The following LIN52 variants were observed in gnomAD, a reference collection of about 807,000 sequenced individuals.
LIN52 encodes the protein protein lin-52 homolog.
LIN52 carries 4 observed loss-of-function variants against 18.5 expected under a neutral mutation model. That is an observed-to-expected ratio of 0.22 (90% CI 0.11 to 0.49). The LOEUF (loss-of-function observed/expected upper bound fraction) is 0.49, where lower values mean the gene tolerates loss of function less well. Among genes scored for constraint, LIN52 ranks in the 20% least tolerant of loss-of-function variants. The pLI, the probability that LIN52 is intolerant of heterozygous loss-of-function variation, is 0.97. For synonymous variants in LIN52, 34 were observed against 45.5 expected, an observed-to-expected ratio of 0.75 and a Z score of 1.02; for missense variants, 102 against 139.5, an observed-to-expected ratio of 0.73 and a Z score of 1.35.
Position 74,091,299 on chromosome 14 carries a change from A to G in LIN52, c.87A>G (p.Pro29=). 1.2e-6 allele frequency: 2 copies of G among 1,606,082 alleles called. No homozygotes were observed. Among genetic ancestry groups the G allele is most frequent in the Non-Finnish European group, 8.5e-7 (1 of 1,173,634 alleles). ...ACCGTGCCTCACCAGATCTTTGGCC[A>G]GAACAATGTAAGTTTTTGCCTTCTT... is the stretch of plus-strand genomic sequence containing the variant. ...KLDRASPDLW[P]EQLPGVAEFA... Residue 29 remains proline (P), a synonymous_variant, in exon 2 of 6, where the codon CCA becomes CCG. Coordinates refer to ENST00000555028, the MANE Select transcript of LIN52 (RefSeq NM_001024674.3).
intron 5 of LIN52, among the ~76,000 whole-genome samples, chr14:74,124,456 T>C (rs1469701738): frequency 1.3e-5 from 2 of 152,152 alleles, no homozygotes; most frequent in East Asian, 1.9e-4. Flanking sequence ...TCCCCCAAAA[T>C]TTCTTGAAAC....
intron 5 of LIN52, among the ~76,000 whole-genome samples, chr14:74,182,499 A>T (rs12894468): frequency 7.2e-5 from 11 of 151,776 alleles, no homozygotes; most frequent in South Asian, 2.1e-4. Context: ...TGTCCAAATC[A>T]GCCAAGTAAT....
chr14:74,141,012 GTT>G (rs982088655), intron 5 of LIN52, among the ~76,000 whole-genome samples: 3 of 152,116 alleles, frequency 2.0e-5, no homozygotes, highest in African/African-American at 4.8e-5. Context: ...AAAAGGAACA[GTT>G]TTAACTTTTT....
At chr14:74,119,203 C>T (rs1451899924) in intron 5 of LIN52, among the ~76,000 whole-genome samples, 6 of 148,018 alleles carry the variant, frequency 4.1e-5, no homozygotes, top group African/African-American at 1.5e-4. Flanking sequence ...GCTCTGTTGC[C>T]CAGGCTGGAG....
chr14:74,182,744 G>T (rs928897900), intron 5 of LIN52, among the ~76,000 whole-genome samples: 2 of 152,150 alleles, frequency 1.3e-5, no homozygotes, highest in Admixed American at 1.3e-4. Flanking sequence ...TATCTCAAAA[G>T]CTTCTTTTGA....
At chr14:74,192,990 C>T (rs2078888664) in intron 5 of LIN52, among the ~76,000 whole-genome samples, 3 of 152,122 alleles carry the variant, frequency 2.0e-5, no homozygotes. Flanking sequence ...CATAAAGTGA[C>T]TGGCATTTGT....
intron 5 of LIN52, among the ~76,000 whole-genome samples, chr14:74,126,301 G>T (rs1407162823): frequency 2.0e-5 from 3 of 152,172 alleles, no homozygotes; most frequent in Non-Finnish European, 4.4e-5. Context: ...ATGTAAAATG[G>T]TATACTCCCT....
chr14:74,192,866 C>A (rs1470996127), intron 5 of LIN52: 1 of 162,516 alleles, frequency 6.2e-6, no homozygotes, highest in Non-Finnish European at 1.3e-5. Flanking sequence ...TCCATTCCCA[C>A]AGACCAGGAA....
At chr14:74,193,964 T>C (rs188677589) in intron 5 of LIN52, among the ~76,000 whole-genome samples, 604 of 152,366 alleles carry the variant, frequency 4.0e-3, no homozygotes, top group Admixed American at 8.3e-3. Context: ...GTAGTTTGCA[T>C]TGGAATTGAA....
rs182750166 is a variant in LIN52, at chr14:74,145,964, G to T, written c.283+44726G>T. 3.9e-5 allele frequency among the ~76,000 whole-genome samples: 6 copies of T among 152,222 alleles called. No homozygotes were observed. In the East Asian group the frequency reaches 1.2e-3, roughly 29 times the overall value. On this transcript the variant is annotated intron_variant, in intron 5 of 5. Coordinates refer to ENST00000555028, the MANE Select transcript of LIN52 (RefSeq NM_001024674.3). ...AACTTGTTTTTTCATAAAGACTGCA[G>T]ATTCTATGACGTGAAATAGTCAAGT...
chr14:74,186,940 G>A (rs2061343397), intron 5 of LIN52, among the ~76,000 whole-genome samples: 3 of 152,132 alleles, frequency 2.0e-5, no homozygotes, highest in Admixed American at 1.3e-4. Flanking sequence ...TTAGCCGGGC[G>A]TTATGGCACA....
At chr14:74,179,687 A>G (rs1322526910) in intron 5 of LIN52, among the ~76,000 whole-genome samples, 6 of 150,696 alleles carry the variant, frequency 4.0e-5, no homozygotes, top group Admixed American at 4.0e-4. Flanking sequence ...AAGAAAAAAA[A>G]ATCTAATTCT....
intron 5 of LIN52, among the ~76,000 whole-genome samples, chr14:74,188,317 C>T (rs977669183): frequency 3.3e-5 from 5 of 152,082 alleles, no homozygotes; most frequent in African/African-American, 9.7e-5. Flanking sequence ...GCAAGTCATA[C>T]ACAAAGTGTT....
At chr14:74,094,867 A>T (rs2060797095) in intron 2 of LIN52, among the ~76,000 whole-genome samples, 1 of 152,034 alleles carries the variant, frequency 6.6e-6, no homozygotes, top group African/African-American at 2.4e-5. Flanking sequence ...AGCTGGGACT[A>T]CAGGCACATG....
intron 5 of LIN52, among the ~76,000 whole-genome samples, chr14:74,114,722 A>G (rs2060953734): frequency 6.6e-6 from 1 of 152,200 alleles, no homozygotes; most frequent in Non-Finnish European, 1.5e-5. Flanking sequence ...TTAATAAGAT[A>G]TCTAGTTCAG....
At chr14:74,162,936 A>G (rs918600577) in intron 5 of LIN52, among the ~76,000 whole-genome samples, 1 of 152,200 alleles carries the variant, frequency 6.6e-6, no homozygotes, top group African/African-American at 2.4e-5. Context: ...TTACTTCTGT[A>G]TATTACAGAA....
chr14:74,178,461 T>A (rs972658870), intron 5 of LIN52, among the ~76,000 whole-genome samples: 3 of 102,632 alleles, frequency 2.9e-5, no homozygotes, highest in African/African-American at 4.2e-5. Context: ...ATTAAAATAA[T>A]TTTTTTTTTT....
intron 5 of LIN52, among the ~76,000 whole-genome samples, chr14:74,153,961 A>G (rs142641900): frequency 2.6e-3 from 393 of 152,268 alleles, no homozygotes; most frequent in African/African-American, 9.3e-3. Flanking sequence ...TAAGTTGTAA[A>G]TTTTAGAATA....
rs2139576471 is a variant in LIN52 at position 74,172,784 on chromosome 14, C to T, written c.284-26138C>T. Among the ~76,000 whole-genome samples, 2 of 152,330 alleles carry T rather than the reference C, an allele frequency of 1.3e-5. 1 individual carries two copies. Among genetic ancestry groups the T allele is most frequent in the South Asian group, 4.1e-4 (2 of 4,828 alleles). On this transcript the variant is annotated intron_variant, in intron 5 of 5. Transcript: ENST00000555028. Reference sequence around the variant, plus strand: ...AGAAAATGTTCTGCTCAAATAGCCACACAGGACTGAATGGCAACCATGTAA... The same window carrying T: ...AGAAAATGTTCTGCTCAAATAGCCATACAGGACTGAATGGCAACCATGTAA...
Sources: gnomAD v4.1 joint callset for allele counts (sites outside exome capture counted in the v4.1 genomes callset) on GRCh38, gnomAD v4.1.1 for gene constraint, MANE v1.5 for transcripts, NCBI Gene and HGNC (gene_info 2026-07-23, HGNC 2026-07-21) for gene names.